NPRL3: variants seen among roughly 807,000 people sequenced by gnomAD.
The protein encoded by NPRL3 is NPR3 like, GATOR1 complex subunit.
A neutral mutation model predicts 57.2 loss-of-function variants in NPRL3; 23 were observed. The ratio of observed to expected loss-of-function variants is 0.40; its 90% CI spans 0.29 to 0.57. NPRL3 has a LOEUF of 0.57. Ranked by LOEUF, NPRL3 falls within the 20% of genes least tolerant of loss-of-function variation. NPRL3 has a pLI of 0.42. For synonymous variants in NPRL3, 333 were observed against 321.1 expected, an observed-to-expected ratio of 1.04 and a Z score of -0.39; for missense variants, 691 against 767.1, an observed-to-expected ratio of 0.90 and a Z score of 1.17.
rs574730329 is a variant in NPRL3, at chr16:132,300, C to T, written c.119-1709G>A. ...GGGATTACAGGCGTGAGTCACCACA[C>T]TCAGCCCAGAAACTGCTTTCTTTGC... is the stretch of plus-strand genomic sequence containing the variant. On this transcript the variant is annotated intron_variant, in intron 2 of 13. Transcript: ENST00000611875. 1.8e-4 allele frequency among the ~76,000 whole-genome samples: 28 copies of T among 152,310 alleles called. 1 individual carries two copies. In the South Asian group the frequency reaches 5.8e-3, roughly 32 times the overall value.
chr16:94,131 A>G (rs1898885369), intron 9 of NPRL3, among the ~76,000 whole-genome samples: 2 of 151,822 alleles, frequency 1.3e-5, no homozygotes, highest in South Asian at 4.2e-4. Flanking sequence ...CTACATACCC[A>G]AAGGCCCCAG....
chr16:89,453 G>T, intron 12 of NPRL3: 1 of 468,300 alleles, frequency 2.1e-6, no homozygotes, highest in Non-Finnish European at 3.8e-6. Context: ...AGAGATTCCA[G>T]CACTGATTTG....
intron 2 of NPRL3, among the ~76,000 whole-genome samples, chr16:133,221 C>G (rs747635843): frequency 1.3e-5 from 2 of 152,074 alleles, no homozygotes; most frequent in Non-Finnish European, 2.9e-5. Flanking sequence ...CATGCATTCA[C>G]TGTTCTGTTT....
At chr16:90,100 A>AG in intron 11 of NPRL3, 198 bp from the exon 12 acceptor site, 1 of 555,358 alleles carries the variant, frequency 1.8e-6, no homozygotes, top group Non-Finnish European at 3.1e-6. Flanking sequence ...GGGAAGGGAG[A>AG]GGGGCCAGGG....
chr16:101,879 CT>C (rs1899314434), intron 7 of NPRL3, among the ~76,000 whole-genome samples: 1 of 152,240 alleles, frequency 6.6e-6, no homozygotes, highest in African/African-American at 2.4e-5. Context: ...TGAAGCACCC[CT>C]GACCCCAGCC....
At chr16:100,335 C>T in intron 8 of NPRL3, 37 bp downstream of exon 8, 30 of 1,441,428 alleles carry the variant, frequency 2.1e-5, no homozygotes, top group Non-Finnish European at 2.7e-5. Flanking sequence ...AGGGAAGGGC[C>T]CTGGCAGGGA....
rs529009740 is a variant in NPRL3 at position 89,751 on chromosome 16, C to T, written c.1313G>A (p.Ser438Asn). Residue 438 changes from serine (S) to asparagine (N), a missense_variant, in exon 12 of 14, where the codon AGC (serine) becomes AAC (asparagine). Physicochemically the swap from Ser to Asn is conservative, Grantham distance 46. Transcript: ENST00000611875. ...GCTGAGGGCGTTGGGCGTGCTGAGG[C>T]TGCGACCGCCGACCCGGGCAGTGAA... Reference protein sequence around the residue: ...VPFTARVGGRSLSTPNALSFG... With the variant: ...VPFTARVGGRNLSTPNALSFG... The T allele has an allele frequency of 5.0e-6, 8 of 1,595,968 alleles. No homozygotes were observed. Among genetic ancestry groups the T allele is most frequent in the Admixed American group, 1.7e-5 (1 of 57,826 alleles).
intron 3 of NPRL3, among the ~76,000 whole-genome samples, chr16:119,784 G>A (rs2141961601): frequency 6.6e-6 from 1 of 152,342 alleles, no homozygotes; most frequent in East Asian, 1.9e-4. Flanking sequence ...TAGCATGGCT[G>A]CCCATCCGTT....
intron 11 of NPRL3, 37 bp from the exon 12 acceptor site, chr16:89,939 C>G: frequency 6.6e-7 from 1 of 1,524,202 alleles, no homozygotes; most frequent in Non-Finnish European, 8.8e-7. Flanking sequence ...TCCCCCTCCC[C>G]ACTCCAACTT....
intron 4 of NPRL3, 58 bp downstream of exon 4, chr16:119,068 G>C (rs1596528610): frequency 6.2e-7 from 1 of 1,602,280 alleles, no homozygotes; most frequent in Non-Finnish European, 8.5e-7. Context: ...AGCCACACCT[G>C]CCCAAGGAGA....
rs779302816 is a variant in NPRL3 at position 138,308 on chromosome 16, G to A, written c.-41C>T. The A allele has an allele frequency of 1.3e-4, 125 of 953,142 alleles. No homozygotes were observed. Among genetic ancestry groups the A allele is most frequent in the Non-Finnish European group, 1.5e-4 (116 of 763,250 alleles). The allele number at this position is 953,142 out of a possible 1,614,324, so 59.0% of individuals were successfully genotyped here. A position where few individuals can be genotyped will look rare whatever the true frequency, so the allele number is the denominator to read the frequency against. On this transcript the variant is annotated 5_prime_UTR_variant, in exon 2 of 14. Coordinates refer to ENST00000611875, the MANE Select transcript of NPRL3 (RefSeq NM_001077350.3). Reference sequence around the variant, plus strand: ...GGGCCGGGGGCGGAGGGGGCCAGAGGAGGACGGAGCCGGAGGCGGAGGGGG... The same window carrying A: ...GGGCCGGGGGCGGAGGGGGCCAGAGAAGGACGGAGCCGGAGGCGGAGGGGG...
rs758642036 is a variant in NPRL3, at chr16:112,653, C to T, written c.516G>A (p.Ala172=). ...YLTREAKLIL[A]LQDEVSAMAD... ...CCATGGCGGACACCTCATCCTGGAG[C>T]GCCAGGATCAGCTTGGCCTCCCGGG... Residue 172 remains alanine, a synonymous_variant, in exon 6 of 14, where the codon GCG becomes GCA. Coordinates refer to ENST00000611875, the MANE Select transcript of NPRL3 (RefSeq NM_001077350.3). 7.5e-6 allele frequency: 12 copies of T among 1,600,644 alleles called. No individual in the cohort carries two copies. The highest frequency in any genetic ancestry group is 1.7e-5 in the Admixed American group (1 of 58,798).
chr16:121,079 C>T (rs1359880670), intron 3 of NPRL3, among the ~76,000 whole-genome samples: 1 of 152,180 alleles, frequency 6.6e-6, no homozygotes, highest in Non-Finnish European at 1.5e-5. Flanking sequence ...CCACTAAAAA[C>T]TGCTGCTCTG....
chr16:126,377 C>T (rs12925761), intron 3 of NPRL3: 54,366 of 150,314 alleles, frequency 0.36, 10,627 homozygotes, highest in Non-Finnish European at 0.45. Flanking sequence ...GCCGAGATTG[C>T]GCCATTGCAC....
At chr16:101,219 C>T (rs890937318) in intron 7 of NPRL3, among the ~76,000 whole-genome samples, 2 of 152,088 alleles carry the variant, frequency 1.3e-5, no homozygotes, top group Non-Finnish European at 1.5e-5. Context: ...CATGAAGACC[C>T]GTCACAGGTG....
chr16:110,855 C>A (rs1899775480), intron 6 of NPRL3, among the ~76,000 whole-genome samples: 1 of 152,112 alleles, frequency 6.6e-6, no homozygotes, highest in African/African-American at 2.4e-5. Flanking sequence ...TGGCCTAGAC[C>A]TGCTAATTTT....
chr16:136,582 C>T (rs1026092136), intron 2 of NPRL3, among the ~76,000 whole-genome samples: 20 of 151,416 alleles, frequency 1.3e-4, no homozygotes, highest in Non-Finnish European at 2.8e-4. Context: ...GTCCCAGCTA[C>T]TCGGGAGGCT....
intron 13 of NPRL3, among the ~76,000 whole-genome samples, chr16:88,340 C>T (rs1047873726): frequency 3.4e-5 from 5 of 148,848 alleles, no homozygotes; most frequent in African/African-American, 1.3e-4. Context: ...GAGATTGCGC[C>T]ACTGCAGTCC....
chr16:85,428 C>A lies in NPRL3; in HGVS notation c.*1277G>T. On this transcript the variant is annotated 3_prime_UTR_variant, in exon 14 of 14. Transcript: ENST00000611875. The stretch of plus-strand genomic sequence containing the variant: ...GACGGGGCTTGCGTCTTGCTGCGAG[C>A]ACTGGAGCCCCTGGAAGGTCTGGAG... 6.2e-7 allele frequency: 1 copy of A among 1,610,422 alleles called. No individual in the cohort carries two copies. The highest frequency in any genetic ancestry group is 1.1e-5 in the South Asian group (1 of 90,970).
Sources: gnomAD v4.1 joint callset for allele counts (sites outside exome capture counted in the v4.1 genomes callset) on GRCh38, gnomAD v4.1.1 for gene constraint, MANE v1.5 for transcripts, NCBI Gene and HGNC (gene_info 2026-07-23, HGNC 2026-07-21) for gene names.